The following CBLC variants were observed in gnomAD, a reference collection of about 807,000 sequenced individuals.
CBLC encodes the protein Cbl proto-oncogene C.
In CBLC, 46 loss-of-function variants were observed where a neutral mutation model predicts 58.6. That is an observed-to-expected ratio of 0.79 (90% CI 0.62 to 1.00). The LOEUF (loss-of-function observed/expected upper bound fraction) is 1.00. CBLC is among the 50% of genes least tolerant of loss of function. The probability of loss-of-function intolerance (pLI) is 0.00; values close to 1 mark genes in which losing one functional copy is unlikely to be tolerated. For missense variants in CBLC, 655 were observed against 625.8 expected (o/e 1.05, Z -0.50); for synonymous variants, 271 against 264.2 (o/e 1.03, Z -0.25).
At chr19:44,787,468 G>C (rs1967940250) in intron 5 of CBLC, among the ~76,000 whole-genome samples, 1 of 151,736 alleles carries the variant, frequency 6.6e-6, no homozygotes, top group African/African-American at 2.4e-5. Context: ...CACAGAGGAG[G>C]ACGCTGCATT....
chr19:44,792,293 G>A (rs563470759), intron 6 of CBLC, 90 bp from the exon 7 acceptor site: 17 of 1,465,170 alleles, frequency 1.2e-5, no homozygotes, highest in Middle Eastern at 2.2e-4. Flanking sequence ...ACAACCAGCC[G>A]AGGTTTGGGA....
At chr19:44,790,112 C>G (rs753815043) in intron 6 of CBLC, 21 bp downstream of exon 6, 30 of 1,592,646 alleles carry the variant, frequency 1.9e-5, no homozygotes, top group Non-Finnish European at 2.4e-5. Flanking sequence ...CACCTGCACC[C>G]GCAGTCCCAG....
In CBLC at chr19:44,782,338, C is replaced by T. The variant is rs201543071; in HGVS notation, c.658-32C>T. 64 of 1,612,202 alleles carry T rather than the reference C, an allele frequency of 4.0e-5. No homozygotes were observed. In the Admixed American group the frequency reaches 6.5e-4, roughly 16 times the overall value. ...TAGGGATGTGAGCTGCTTCCCTGGT[C>T]GCTCCCTGACCCAAGCCCTGCCCCA... is the stretch of plus-strand genomic sequence containing the variant. On this transcript the variant is annotated intron_variant, in intron 3 of 10. Coordinates refer to ENST00000647358, the MANE Select transcript of CBLC (RefSeq NM_012116.4).
At chr19:44,782,561 G>A in intron 4 of CBLC, 70 bp downstream of exon 4, 1 of 1,293,764 alleles carries the variant, frequency 7.7e-7, no homozygotes, top group Non-Finnish European at 1.1e-6. Context: ...CTGGTGCGTG[G>A]TGGAGCCCAG....
At chr19:44,784,652 A>G (rs1222779776) in intron 5 of CBLC, among the ~76,000 whole-genome samples, 1 of 152,180 alleles carries the variant, frequency 6.6e-6, no homozygotes, top group Non-Finnish European at 1.5e-5. Context: ...TGTGTGGGGC[A>G]TTGGGCACAA....
intron 5 of CBLC, among the ~76,000 whole-genome samples, chr19:44,784,966 T>TTTG (rs1967856328): frequency 9.0e-6 from 1 of 111,716 alleles, no homozygotes; most frequent in Non-Finnish European, 1.8e-5. Flanking sequence ...TTTTTTTTTT[T>TTTG]TTTTTTTTTT....
rs2122472442 is a variant in CBLC, at chr19:44,790,065, C to T, written c.979C>T (p.Pro327Ser). 1.2e-6 allele frequency: 2 copies of T among 1,613,924 alleles called. No individual in the cohort carries two copies. The highest frequency in any genetic ancestry group is 8.5e-7 in the Non-Finnish European group (1 of 1,179,926). ...PDLTELGQAE[P>S]QQRIHVSEEQ... ...CCTGACTGAGCTCGGCCAGGCAGAACCCCAGCAGCGCATCCACGTGTCAGA... is the reference window on the plus strand; with the variant it reads ...CCTGACTGAGCTCGGCCAGGCAGAATCCCAGCAGCGCATCCACGTGTCAGA... Residue 327 changes from proline (P) to serine (S), a missense_variant, in exon 6 of 11, where the codon CCC becomes TCC. Coordinates refer to ENST00000647358, the MANE Select transcript of CBLC (RefSeq NM_012116.4).
Position 44,782,446 on chromosome 19 carries a change from A to T in CBLC, c.734A>T (p.Asp245Val), listed in dbSNP as rs779208700. The stretch of plus-strand genomic sequence containing the variant: ...GGCTACATGGCCTTCCTCACCTATG[A>T]TGAGGTCCAAGAGCGTCTGCAGGCC... ...HPGYMAFLTY[D>V]EVQERLQACR... The change falls in exon 4 of 11, where the codon GAT becomes GTT. Residue 245 changes from aspartate to valine, a missense_variant. Coordinates refer to ENST00000647358, the MANE Select transcript of CBLC (RefSeq NM_012116.4). 2.5e-6 allele frequency: 4 copies of T among 1,613,708 alleles called. No homozygotes were observed. Among genetic ancestry groups the T allele is most frequent in the Non-Finnish European group, 3.4e-6 (4 of 1,179,770 alleles).
intron 6 of CBLC, among the ~76,000 whole-genome samples, chr19:44,791,527 G>C (rs1968048951): frequency 6.6e-6 from 1 of 152,016 alleles, no homozygotes; most frequent in Admixed American, 6.6e-5. Flanking sequence ...GAGGTCAGGA[G>C]TTCGAGACTA....
At chr19:44,787,044 C>G (rs990235233) in intron 5 of CBLC, among the ~76,000 whole-genome samples, 17 of 152,188 alleles carry the variant, frequency 1.1e-4, no homozygotes, top group African/African-American at 3.6e-4. Context: ...AAGATCACGC[C>G]TCTGCATTCC....
intron 3 of CBLC, 134 bp from the exon 4 acceptor site, chr19:44,782,236 T>C: frequency 7.8e-7 from 1 of 1,282,682 alleles, no homozygotes; most frequent in Non-Finnish European, 1.1e-6. Flanking sequence ...GAGCTTGGGG[T>C]CTTGTAAAAG....
chr19:44,785,803 T>C (rs1377895006), intron 5 of CBLC, among the ~76,000 whole-genome samples: 1 of 151,800 alleles, frequency 6.6e-6, no homozygotes, highest in Non-Finnish European at 1.5e-5. Context: ...CTGGGTGCAG[T>C]GGCGTGCACC....
chr19:44,788,892 G>T (rs1023912342), intron 5 of CBLC, among the ~76,000 whole-genome samples: 5 of 152,144 alleles, frequency 3.3e-5, no homozygotes, highest in Non-Finnish European at 7.4e-5. Context: ...CAGAAAGGTC[G>T]AGTGGCCCCA....
rs1968128742 is a variant in CBLC, at chr19:44,794,190, C to G, written c.1285-14C>G. 6.9e-6 allele frequency: 11 copies of G among 1,599,826 alleles called. No individual in the cohort carries two copies. Among genetic ancestry groups the G allele is most frequent in the East Asian group, 2.2e-5 (1 of 44,472 alleles). ...AGCTCACAAGCCCCTTCTCCTTCCT[C>G]TGTCCCACCCCAGGTGCCCCTTTCG... On this transcript the variant is annotated splice_polypyrimidine_tract_variant and intron_variant, in intron 8 of 10. Coordinates refer to ENST00000647358, the MANE Select transcript of CBLC (RefSeq NM_012116.4).
intron 5 of CBLC, among the ~76,000 whole-genome samples, chr19:44,784,632 C>T (rs760895182): frequency 3.9e-5 from 6 of 152,170 alleles, no homozygotes; most frequent in African/African-American, 1.2e-4. Context: ...GCCACAGCTC[C>T]GAGGAGAAGT....
At chr19:44,790,187 G>T in intron 6 of CBLC, 96 bp downstream of exon 6, 1 of 905,170 alleles carries the variant, frequency 1.1e-6, no homozygotes. Flanking sequence ...TGTTGGCTTG[G>T]TGGCTCTGTG....
intron 5 of CBLC, among the ~76,000 whole-genome samples, chr19:44,787,146 C>A (rs887513226): frequency 1.3e-5 from 2 of 152,136 alleles, no homozygotes; most frequent in Admixed American, 1.3e-4. Context: ...GTAATCCCAG[C>A]ACTTTAAGAG....
At chr19:44,779,961 A>C (rs1967677302) in intron 1 of CBLC, among the ~76,000 whole-genome samples, 1 of 152,072 alleles carries the variant, frequency 6.6e-6, no homozygotes, top group Admixed American at 6.6e-5. Flanking sequence ...TGATCAAAGG[A>C]ATTTTTTTCA....
At chr19:44,793,668 G>T in intron 8 of CBLC, 48 bp downstream of exon 8, 1 of 1,542,540 alleles carries the variant, frequency 6.5e-7, no homozygotes, top group South Asian at 1.2e-5. Flanking sequence ...TGAGGCCTGA[G>T]TGGGGAGGGA....
Sources: gnomAD v4.1 joint callset for allele counts (sites outside exome capture counted in the v4.1 genomes callset) on GRCh38, gnomAD v4.1.1 for gene constraint, MANE v1.5 for transcripts, NCBI Gene and HGNC (gene_info 2026-07-23, HGNC 2026-07-21) for gene names.